TM9SF4: variants seen among roughly 807,000 people sequenced by gnomAD.
TM9SF4 encodes the protein dinucleotide oxidase disulfide thiol exchanger 3 superfamily member 4.
In TM9SF4, 26 loss-of-function variants were observed where a neutral mutation model predicts 90.4. The ratio of observed to expected loss-of-function variants is 0.29; its 90% CI spans 0.21 to 0.40. The LOEUF (loss-of-function observed/expected upper bound fraction) is 0.40. Ranked by LOEUF, TM9SF4 falls within the 10% of genes least tolerant of loss-of-function variation. The pLI is 1.00. For missense variants in TM9SF4, 549 were observed against 834.8 expected (o/e 0.66, Z 4.22); for synonymous variants, 293 against 315.4 (o/e 0.93, Z 0.75).
intron 16 of TM9SF4, 116 bp downstream of exon 16, chr20:32,160,227 G>T: frequency 1.4e-6 from 2 of 1,478,454 alleles, no homozygotes; most frequent in South Asian, 2.5e-5. Context: ...CCTGCTTCTG[G>T]CTCTGAGCTC....
intron 1 of TM9SF4, among the ~76,000 whole-genome samples, chr20:32,120,186 T>C (rs2046283307): frequency 6.6e-6 from 1 of 152,166 alleles, no homozygotes; most frequent in South Asian, 2.1e-4. Flanking sequence ...AAAAACCTGC[T>C]GGAATTTTGA....
rs540114051 is a variant in TM9SF4, at chr20:32,116,541, C to G, written c.15+6786C>G. On this transcript the variant is annotated intron_variant, in intron 1 of 17. Transcript: ENST00000398022. ...GCCTGCTGTGCGTTTTTCCCTACCCCCAAATTACAGCTTTGAGTCTTTCAT... is the reference window on the plus strand; with the variant it reads ...GCCTGCTGTGCGTTTTTCCCTACCCGCAAATTACAGCTTTGAGTCTTTCAT... The G allele has an allele frequency of 2.6e-5, 4 of 152,364 alleles. No individual in the cohort carries two copies. The South Asian group carries it at 8.3e-4, about 32-fold the overall frequency. 9.4% of individuals were successfully genotyped at this position (152,364 alleles called of 1,614,324 possible). A position where few individuals can be genotyped will look rare whatever the true frequency, so the allele number is the denominator to read the frequency against.
intron 1 of TM9SF4, among the ~76,000 whole-genome samples, chr20:32,124,943 T>A (rs912123477): frequency 1.7e-4 from 26 of 152,126 alleles, no homozygotes; most frequent in African/African-American, 6.3e-4. Context: ...CTTTGCCTTG[T>A]TTTGTTTTGT....
At chr20:32,146,456 G>A (rs1328664188) in intron 8 of TM9SF4, among the ~76,000 whole-genome samples, 2 of 152,160 alleles carry the variant, frequency 1.3e-5, no homozygotes, top group Admixed American at 6.5e-5. Flanking sequence ...ATAGCCAGAG[G>A]TGGAGCCACA....
intron 3 of TM9SF4, among the ~76,000 whole-genome samples, chr20:32,140,740 C>T (rs1437707231): frequency 6.6e-6 from 1 of 152,112 alleles, no homozygotes; most frequent in East Asian, 1.9e-4. Context: ...TCAGAGTCAT[C>T]CCTCCACTGC....
intron 14 of TM9SF4, 93 bp from the exon 15 acceptor site, chr20:32,158,358 G>A: frequency 1.7e-6 from 2 of 1,200,472 alleles, no homozygotes; most frequent in South Asian, 1.2e-5. Context: ...CCACACTCGT[G>A]TAGGTGCTCT....
At chr20:32,120,074 T>C (rs757169676) in intron 1 of TM9SF4, among the ~76,000 whole-genome samples, 3 of 152,238 alleles carry the variant, frequency 2.0e-5, no homozygotes, top group Non-Finnish European at 2.9e-5. Flanking sequence ...TTAGAAATTA[T>C]GTAGTATAAG....
At position 32,109,732 on chromosome 20, in the gene TM9SF4, G is replaced by C; in HGVS notation, c.-9G>C. On this transcript the variant is annotated 5_prime_UTR_variant, in exon 1 of 18. Coordinates refer to ENST00000398022, the MANE Select transcript of TM9SF4 (RefSeq NM_014742.4). The stretch of plus-strand genomic sequence containing the variant: ...CGCTGACGTCATTACGGCGACACGT[G>C]GATCCAAGATGGCGACGGCGATGGT... The C allele has an allele frequency of 1.3e-6, 2 of 1,551,664 alleles. No homozygotes were observed. Among genetic ancestry groups the C allele is most frequent in the Non-Finnish European group, 1.7e-6 (2 of 1,147,000 alleles).
At chr20:32,159,026 G>C (rs1441436817) in intron 15 of TM9SF4, 1 of 152,810 alleles carries the variant, frequency 6.5e-6, no homozygotes, top group Non-Finnish European at 1.5e-5. Flanking sequence ...TGTGTGGGGA[G>C]CCTGGTGTGT....
chr20:32,128,790 C>CTGTGTGTGTGTGTG (rs55977888), intron 1 of TM9SF4, among the ~76,000 whole-genome samples: 3,894 of 145,266 alleles, frequency 0.027, 119 homozygotes, highest in Admixed American at 0.091. Context: ...GTATTCCATT[C>CTGTGTGTGTGTGTG]TGTGTGTGTG....
intron 1 of TM9SF4, among the ~76,000 whole-genome samples, chr20:32,118,575 C>T (rs1419668828): frequency 6.6e-6 from 1 of 151,116 alleles, no homozygotes; most frequent in Non-Finnish European, 1.5e-5. Context: ...AGCTACTATG[C>T]CCAGCCTAAA....
intron 10 of TM9SF4, 100 bp from the exon 11 acceptor site, chr20:32,150,522 C>A: frequency 2.1e-6 from 3 of 1,404,462 alleles, no homozygotes; most frequent in Non-Finnish European, 3.0e-6. Flanking sequence ...GTCCTCCTGT[C>A]AGCCTGTCCA....
intron 8 of TM9SF4, among the ~76,000 whole-genome samples, chr20:32,146,173 A>G (rs1182585015): frequency 6.6e-6 from 1 of 152,210 alleles, no homozygotes; most frequent in African/African-American, 2.4e-5. Context: ...CCTGTGAACT[A>G]GGCCCGAAAA....
intron 3 of TM9SF4, 124 bp downstream of exon 3, chr20:32,136,297 G>A (rs1225379841): frequency 2.2e-6 from 2 of 903,924 alleles, no homozygotes; most frequent in Non-Finnish European, 3.4e-6. Context: ...TTGCATACCT[G>A]TTAGCTTATT....
intron 1 of TM9SF4, among the ~76,000 whole-genome samples, chr20:32,130,198 T>C (rs989299285): frequency 3.3e-5 from 5 of 152,254 alleles, no homozygotes; most frequent in African/African-American, 1.2e-4. Context: ...TTCAGTATTA[T>C]ATTCAAAGAT....
Position 32,131,481 on chromosome 20 carries a change from A to AGTGTGTGTGT in TM9SF4, c.16-1513_16-1504dup, listed in dbSNP as rs10524812. On this transcript the variant is annotated intron_variant, in intron 1 of 17. Transcript: ENST00000398022. The stretch of plus-strand genomic sequence containing the variant: ...AAACTGAGTTTCACAGAGTCATCAG[A>AGTGTGTGTGT]GTGTGTGTGTGTGTGTGTGTGTGTG... 5.8e-3 allele frequency among the ~76,000 whole-genome samples: 863 copies of AGTGTGTGTGT among 147,642 alleles called. 9 individuals are homozygous for AGTGTGTGTGT. Among genetic ancestry groups the AGTGTGTGTGT allele is most frequent in the African/African-American group, 0.016 (638 of 39,952 alleles).
Position 32,141,818 on chromosome 20 carries a change from G to T in TM9SF4, c.451G>T (p.Asp151Tyr), listed in dbSNP as rs1214289457. 3.1e-6 allele frequency: 5 copies of T among 1,614,132 alleles called. No individual in the cohort carries two copies. The highest frequency in any genetic ancestry group is 4.2e-6 in the Non-Finnish European group (5 of 1,180,038). The change falls in exon 5 of 18, where the codon GAC (aspartate) becomes TAC (tyrosine). Residue 151 changes from aspartate (D) to tyrosine (Y), a missense_variant. By Grantham distance (160) the Asp-to-Tyr change is radical. This residue lies in a region of TM9SF4 where 495 missense variants were observed against 711.7 expected (regional missense o/e 0.70). Transcript: ENST00000398022. ...ATRLELYSNRDSDDKKKEKDV... is the reference protein window; with the variant it reads ...ATRLELYSNRYSDDKKKEKDV... ...CCGGCTGGAGCTCTACTCCAACCGA[G>T]ACAGCGATGACAAGAAGAAGGAAAA...
rs867774914 is a variant in TM9SF4 at position 32,122,951 on chromosome 20, G to A, written c.16-10062G>A. 2.6e-5 allele frequency among the ~76,000 whole-genome samples: 4 copies of A among 151,854 alleles called. No homozygotes were observed. In the South Asian group the frequency reaches 6.2e-4, roughly 24 times the overall value. ...GGAGGCCGAGGCTGGTAGATCACTC[G>A]CGGTTAGGAGCTGGAGACCAGCCCG... On this transcript the variant is annotated intron_variant, in intron 1 of 17. Coordinates refer to ENST00000398022, the MANE Select transcript of TM9SF4 (RefSeq NM_014742.4).
intron 12 of TM9SF4, 81 bp from the exon 13 acceptor site, chr20:32,155,022 G>A (rs2046897828): frequency 1.0e-6 from 1 of 997,298 alleles, no homozygotes; most frequent in South Asian, 1.3e-5. Context: ...GGGCTTAAGA[G>A]CTTCTGGTCT....
Sources: gnomAD v4.1 joint callset for allele counts (sites outside exome capture counted in the v4.1 genomes callset) on GRCh38, gnomAD v4.1.1 for gene constraint, gnomAD v4.1.1 regional missense constraint, MANE v1.5 for transcripts, NCBI Gene and HGNC (gene_info 2026-07-23, HGNC 2026-07-21) for gene names.